Variants in PDZRN4 observed in about 807,000 individuals in gnomAD.
PDZRN4 encodes the protein PDZ domain-containing RING finger protein 4.
Under a neutral mutation model 99.0 loss-of-function variants are expected in PDZRN4, and 70 were observed. That is an observed-to-expected ratio of 0.71 (90% CI 0.58 to 0.86). PDZRN4 has a LOEUF of 0.86. Among genes scored for constraint, PDZRN4 ranks in the 40% least tolerant of loss-of-function variants. The probability of loss-of-function intolerance (pLI) is 0.00; values close to 1 mark genes in which losing one functional copy is unlikely to be tolerated. For synonymous variants in PDZRN4, 551 were observed against 501.6 expected (o/e 1.10, Z -1.32); for missense variants, 1,474 against 1,331.2 (o/e 1.11, Z -1.67).
chr12:41,459,810 A>G (rs1952852778), intron 3 of PDZRN4: 2 of 474,088 alleles, frequency 4.2e-6, no homozygotes, highest in Non-Finnish European at 6.6e-6. Flanking sequence ...TGAAGACAGC[A>G]TAGCCCTGCA....
chr12:41,499,001 A>C (rs549526785), intron 3 of PDZRN4, among the ~76,000 whole-genome samples: 1 of 152,224 alleles, frequency 6.6e-6, no homozygotes, highest in African/African-American at 2.4e-5. Context: ...TAATTGAAGA[A>C]AGTTTAATGA....
intron 3 of PDZRN4, among the ~76,000 whole-genome samples, chr12:41,221,597 C>T (rs1299853514): frequency 6.6e-6 from 1 of 151,846 alleles, no homozygotes; most frequent in African/African-American, 2.4e-5. Flanking sequence ...AGTTTATGAG[C>T]AGAACTGATA....
At chr12:41,225,846 A>C (rs1950990495) in intron 3 of PDZRN4, among the ~76,000 whole-genome samples, 1 of 152,018 alleles carries the variant, frequency 6.6e-6, no homozygotes, top group Non-Finnish European at 1.5e-5. Context: ...GCATCTCAGA[A>C]TTTCATTTTC....
In PDZRN4 at chr12:41,550,207, C is replaced by T. The variant is rs184005722; in HGVS notation, c.1204-2449C>T. Among the ~76,000 whole-genome samples, 420 of 152,202 alleles carry T rather than the reference C, an allele frequency of 2.8e-3. 1 individual carries two copies. Among genetic ancestry groups the T allele is most frequent in the Non-Finnish European group, 4.9e-3 (334 of 68,014 alleles). The stretch of plus-strand genomic sequence containing the variant: ...AAAACGTTCAAAAAAGAATGTCCCC[C>T]GCTGAAAATGTCTTCTCACAATACT... On this transcript the variant is annotated intron_variant, in intron 5 of 9. Coordinates refer to ENST00000402685, the MANE Select transcript of PDZRN4 (RefSeq NM_001164595.2).
intron 3 of PDZRN4, among the ~76,000 whole-genome samples, chr12:41,249,460 G>C (rs1566394111): frequency 6.6e-6 from 1 of 152,138 alleles, no homozygotes; most frequent in African/African-American, 2.4e-5. Context: ...GACAATATGG[G>C]AATGTACTGC....
intron 3 of PDZRN4, among the ~76,000 whole-genome samples, chr12:41,474,005 T>C (rs1953017906): frequency 6.6e-6 from 1 of 152,192 alleles, no homozygotes. Flanking sequence ...AAAGTTAAGA[T>C]ACTCAGGCTG....
intron 3 of PDZRN4, among the ~76,000 whole-genome samples, chr12:41,451,453 T>C (rs1448167960): frequency 6.6e-6 from 1 of 152,224 alleles, no homozygotes; most frequent in Non-Finnish European, 1.5e-5. Context: ...AAGTTAAATA[T>C]AAATTTACAA....
intron 3 of PDZRN4, among the ~76,000 whole-genome samples, chr12:41,232,124 G>A (rs1951032774): frequency 6.6e-6 from 1 of 151,964 alleles, no homozygotes; most frequent in Admixed American, 6.6e-5. Flanking sequence ...GCCATCTGAA[G>A]CAGTGGAACC....
At chr12:41,210,140 GTCT>G (rs1305044306) in intron 3 of PDZRN4, among the ~76,000 whole-genome samples, 104 of 152,166 alleles carry the variant, frequency 6.8e-4, no homozygotes, top group African/African-American at 2.4e-3. Context: ...CTGCATAAAT[GTCT>G]TCTTTTGAGA....
intron 3 of PDZRN4, among the ~76,000 whole-genome samples, chr12:41,475,903 G>T (rs1015778046): frequency 6.6e-6 from 1 of 151,620 alleles, no homozygotes; most frequent in South Asian, 2.1e-4. Flanking sequence ...CCATTTTTTG[G>T]CACTTGCTAC....
chr12:41,535,608 T>C (rs2034922), intron 5 of PDZRN4, among the ~76,000 whole-genome samples: 9,840 of 152,142 alleles, frequency 0.065, 800 homozygotes, highest in East Asian at 0.17. Context: ...CATACTGCAG[T>C]ATTGGGAGGT....
At chr12:41,471,277 G>A (rs759260964) in intron 3 of PDZRN4, among the ~76,000 whole-genome samples, 3 of 152,122 alleles carry the variant, frequency 2.0e-5, no homozygotes, top group Non-Finnish European at 4.4e-5. Context: ...CTTGCTGAAG[G>A]TCTTTATGTT....
chr12:41,370,122 T>C (rs1296089858), intron 3 of PDZRN4, among the ~76,000 whole-genome samples: 2 of 152,004 alleles, frequency 1.3e-5, no homozygotes, highest in Non-Finnish European at 2.9e-5. Flanking sequence ...TTATAATTGA[T>C]GTTTTTACAG....
At chr12:41,513,891 C>T (rs2120694149) in intron 5 of PDZRN4, among the ~76,000 whole-genome samples, 1 of 152,140 alleles carries the variant, frequency 6.6e-6, no homozygotes, top group African/African-American at 2.4e-5. Flanking sequence ...GGTCAGAAAC[C>T]AATACACGAA....
chr12:41,379,358 C>G (rs915631748), intron 3 of PDZRN4, among the ~76,000 whole-genome samples: 4 of 148,588 alleles, frequency 2.7e-5, no homozygotes, highest in Non-Finnish European at 6.0e-5. Context: ...TTTCTATTCT[C>G]TATTTCATTT....
chr12:41,444,912 G>A (rs1952711263), intron 3 of PDZRN4, among the ~76,000 whole-genome samples: 1 of 151,936 alleles, frequency 6.6e-6, no homozygotes. Flanking sequence ...TGTCAGAGTG[G>A]TTTTGATATG....
chr12:41,375,080 C>G (rs967732553), intron 3 of PDZRN4, among the ~76,000 whole-genome samples: 3 of 152,156 alleles, frequency 2.0e-5, no homozygotes, highest in African/African-American at 4.8e-5. Context: ...TAGCTAGCAG[C>G]TGATAGGAGC....
At chr12:41,301,031 AT>A (rs1291212225) in intron 3 of PDZRN4, among the ~76,000 whole-genome samples, 1 of 151,992 alleles carries the variant, frequency 6.6e-6, no homozygotes, top group Non-Finnish European at 1.5e-5. Context: ...ATTATAGATT[AT>A]TTTTGTTTCC....
At chr12:41,363,799 T>C (rs1565562825) in intron 3 of PDZRN4, among the ~76,000 whole-genome samples, 1 of 152,108 alleles carries the variant, frequency 6.6e-6, no homozygotes, top group Non-Finnish European at 1.5e-5. Context: ...CCATGTGTGC[T>C]GGTAGAAAGG....
Sources: gnomAD v4.1 joint callset for allele counts (sites outside exome capture counted in the v4.1 genomes callset) on GRCh38, gnomAD v4.1.1 for gene constraint, MANE v1.5 for transcripts, NCBI Gene and HGNC (gene_info 2026-07-23, HGNC 2026-07-21) for gene names.